STK33: variants seen among roughly 807,000 people sequenced by gnomAD.
STK33 encodes serine/threonine-protein kinase 33.
STK33 carries 52 observed loss-of-function variants against 58.0 expected under a neutral mutation model. The observed-to-expected ratio is 0.90, with a 90% CI of 0.72 to 1.13. The LOEUF (loss-of-function observed/expected upper bound fraction) is 1.13. Ranked by LOEUF, STK33 falls within the 50% of genes most tolerant of loss-of-function variation. The pLI, the probability that STK33 is intolerant of heterozygous loss-of-function variation, is 0.00. For synonymous variants in STK33, 215 were observed against 200.1 expected (o/e 1.07, Z -0.63); for missense variants, 630 against 604.2 (o/e 1.04, Z -0.45).
Position 8,436,122 on chromosome 11 carries a change from G to C in STK33, c.965C>G (p.Pro322Arg). 1 of 1,575,620 alleles carries C rather than the reference G, an allele frequency of 6.3e-7. No homozygotes were observed. Among genetic ancestry groups the C allele is most frequent in the Non-Finnish European group, 8.6e-7 (1 of 1,162,358 alleles). ...VMYMLLRGEPPFLASSEEKLF... is the reference protein window; with the variant it reads ...VMYMLLRGEPRFLASSEEKLF... Reference sequence around the variant, plus strand: ...CTTCTCTTCTGAGCTTGCCAAAAAGGGTGGTTCTCCACGTAATCTGCAACA... The same window carrying C: ...CTTCTCTTCTGAGCTTGCCAAAAAGCGTGGTTCTCCACGTAATCTGCAACA... The change falls in exon 13 of 16, where the codon CCC becomes CGC. Residue 322 changes from proline to arginine, a missense_variant. By Grantham distance (103) the Pro-to-Arg change is moderately radical. Transcript: ENST00000687296.
At chr11:8,519,880 C>G (rs544145761) in intron 1 of STK33, among the ~76,000 whole-genome samples, 1 of 152,284 alleles carries the variant, frequency 6.6e-6, no homozygotes, top group African/African-American at 2.4e-5. Flanking sequence ...AAGTCCAGGA[C>G]CAGACGGATT....
chr11:8,494,305 C>A (rs530025649), intron 1 of STK33, among the ~76,000 whole-genome samples: 1 of 152,254 alleles, frequency 6.6e-6, no homozygotes, highest in Admixed American at 6.5e-5. Context: ...ACACCAATAA[C>A]AGACAAACAG....
chr11:8,540,513 G>C (rs1356310536), intron 1 of STK33, among the ~76,000 whole-genome samples: 8 of 151,904 alleles, frequency 5.3e-5, no homozygotes, highest in Non-Finnish European at 8.8e-5. Flanking sequence ...AAAAGAAACA[G>C]TGGTGTGTAT....
At chr11:8,354,847 C>T in the STK33 span, among the ~76,000 whole-genome samples, 17 of 152,264 alleles carry the variant, frequency 1.1e-4, no homozygotes, top group East Asian at 7.7e-4. Flanking sequence ...GGCTGGGCGC[C>T]GGCCCCTCCG....
At chr11:8,358,994 T>C in the STK33 span, among the ~76,000 whole-genome samples, 1 of 152,156 alleles carries the variant, frequency 6.6e-6, no homozygotes, top group African/African-American at 2.4e-5. Context: ...GAGCCCACAG[T>C]AACAGGCCTA....
intron 1 of STK33, among the ~76,000 whole-genome samples, chr11:8,515,279 G>T (rs145872121): frequency 6.6e-6 from 1 of 152,084 alleles, no homozygotes; most frequent in Admixed American, 6.6e-5. Flanking sequence ...AGACTACTAC[G>T]AACAATTATA....
chr11:8,472,099 T>TA (rs1382022777), intron 6 of STK33, among the ~76,000 whole-genome samples: 1 of 152,132 alleles, frequency 6.6e-6, no homozygotes, highest in African/African-American at 2.4e-5. Context: ...GCTAATTTTT[T>TA]AAAAATTTTT....
chr11:8,448,764 A>G (rs1251829354), intron 11 of STK33, among the ~76,000 whole-genome samples: 1 of 152,196 alleles, frequency 6.6e-6, no homozygotes, highest in Admixed American at 6.5e-5. Flanking sequence ...AATGGCAACA[A>G]AAGCCAAAAT....
chr11:8,564,207 G>A lies in STK33; in HGVS notation c.-466+29876C>T, dbSNP rs1957302146. 2.6e-5 allele frequency among the ~76,000 whole-genome samples: 4 copies of A among 152,194 alleles called. No individual in the cohort carries two copies. In the South Asian group the frequency reaches 8.3e-4, roughly 31 times the overall value. On this transcript the variant is annotated intron_variant, in intron 1 of 15. Coordinates refer to ENST00000687296, the MANE Select transcript of STK33 (RefSeq NM_001352389.2). The stretch of plus-strand genomic sequence containing the variant: ...GATGGATGCTAACAGGTGGAAGTAA[G>A]TATATAGATTTGGTTGTAGGGAATT...
Position 8,474,699 on chromosome 11 carries a change from TA to T in STK33, c.206del (p.Ile69LysfsTer14). The T allele has an allele frequency of 6.2e-7, 1 of 1,609,872 alleles. No homozygotes were observed. The highest frequency in any genetic ancestry group is 8.5e-7 in the Non-Finnish European group (1 of 1,178,624). On this transcript the variant is annotated frameshift_variant, in exon 5 of 16. Transcript: ENST00000687296. LOFTEE classifies it high-confidence loss of function. ...RKKEKNINRD[I>X]TSRKDLPSRT... ...TATTTACCAAATCTTTCCTGGAGGT[TA>T]TATCTCTGTTGATATTTTTTTCTTT...
chr11:8,572,076 T>A (rs1957865752), intron 1 of STK33, among the ~76,000 whole-genome samples: 1 of 150,198 alleles, frequency 6.7e-6, no homozygotes, highest in Non-Finnish European at 1.5e-5. Flanking sequence ...AAAAATTAAT[T>A]TTAAAAAAAC....
chr11:8,355,055 G>A, the STK33 span, among the ~76,000 whole-genome samples: 5 of 152,242 alleles, frequency 3.3e-5, no homozygotes, highest in African/African-American at 7.2e-5. Context: ...TTCAAGCAGC[G>A]GCCGCTGCCT....
At chr11:8,355,058 C>T in the STK33 span, among the ~76,000 whole-genome samples, 1 of 152,238 alleles carries the variant, frequency 6.6e-6, no homozygotes, top group Admixed American at 6.5e-5. Context: ...AAGCAGCGGC[C>T]GCTGCCTGCT....
intron 6 of STK33, among the ~76,000 whole-genome samples, chr11:8,470,628 G>T (rs777535547): frequency 3.9e-5 from 6 of 152,066 alleles, no homozygotes; most frequent in Non-Finnish European, 5.9e-5. Flanking sequence ...ATCATTTCTG[G>T]CTTTCGATTT....
the STK33 span, among the ~76,000 whole-genome samples, chr11:8,377,137 A>G: frequency 6.6e-6 from 1 of 152,202 alleles, no homozygotes; most frequent in African/African-American, 2.4e-5. Flanking sequence ...CCTTCAACCA[A>G]GACACAGCCA....
intron 14 of STK33, among the ~76,000 whole-genome samples, chr11:8,422,982 G>C (rs761961632): frequency 2.0e-5 from 3 of 149,872 alleles, no homozygotes; most frequent in Non-Finnish European, 4.4e-5. Flanking sequence ...AAACTCAGCC[G>C]GGCATGGGCC....
chr11:8,462,021 A>C, intron 7 of STK33, 112 bp from the exon 8 acceptor site: 1 of 681,366 alleles, frequency 1.5e-6, no homozygotes, highest in South Asian at 2.7e-5. Flanking sequence ...TCATATTTGA[A>C]GTGAATTCAT....
At chr11:8,451,896 T>C (rs923313516) in intron 11 of STK33, among the ~76,000 whole-genome samples, 1 of 152,200 alleles carries the variant, frequency 6.6e-6, no homozygotes. Flanking sequence ...TTGATGGCGA[T>C]GAAACTGGAT....
At chr11:8,437,106 A>T (rs1944169418) in intron 12 of STK33, among the ~76,000 whole-genome samples, 1 of 152,232 alleles carries the variant, frequency 6.6e-6, no homozygotes. Context: ...AATGTGGAAA[A>T]ATCAGACAAT....
Sources: allele counts gnomAD v4.1 joint callset (sites outside exome capture counted in the v4.1 genomes callset), GRCh38; gene constraint gnomAD v4.1.1; transcripts MANE v1.5; gene names NCBI Gene and HGNC (gene_info 2026-07-23, HGNC 2026-07-21).